Variants in OXCT1 observed in about 807,000 individuals in gnomAD.
OXCT1 encodes 3-oxoacid CoA-transferase 1, also known as succinyl-CoA:3-ketoacid coenzyme A transferase 1, mitochondrial.
OXCT1 carries 27 observed loss-of-function variants against 69.6 expected under a neutral mutation model. The ratio of observed to expected loss-of-function variants is 0.39; its 90% CI spans 0.29 to 0.54. The LOEUF is 0.54. Among genes scored for constraint, OXCT1 ranks in the 20% least tolerant of loss-of-function variants. The pLI is 0.72. For synonymous variants in OXCT1, 202 were observed against 217.8 expected (o/e 0.93, Z 0.64); for missense variants, 437 against 650.2 (o/e 0.67, Z 3.57).
intron 9 of OXCT1, among the ~76,000 whole-genome samples, chr5:41,803,854 T>G (rs1206281555): frequency 6.6e-6 from 1 of 152,098 alleles, no homozygotes; most frequent in Non-Finnish European, 1.5e-5. Context: ...TGATTACTAC[T>G]CAATGGTGTG....
At chr5:41,852,213 T>C (rs1249479002) in intron 4 of OXCT1, among the ~76,000 whole-genome samples, 1 of 152,134 alleles carries the variant, frequency 6.6e-6, no homozygotes, top group Non-Finnish European at 1.5e-5. Context: ...TTTGTTTTTG[T>C]TTTTTCAAAA....
At chr5:41,817,868 G>T (rs1747325338) in intron 7 of OXCT1, among the ~76,000 whole-genome samples, 1 of 152,210 alleles carries the variant, frequency 6.6e-6, no homozygotes, top group South Asian at 2.1e-4. Flanking sequence ...AAGGAAGGCA[G>T]TTACAGAACA....
chr5:41,775,369 C>T (rs1745072727), intron 13 of OXCT1, among the ~76,000 whole-genome samples: 1 of 152,144 alleles, frequency 6.6e-6, no homozygotes, highest in South Asian at 2.1e-4. Context: ...TTCAGGAAGG[C>T]ATTTTACTTG....
intron 15 of OXCT1, among the ~76,000 whole-genome samples, chr5:41,747,214 G>A (rs1743538366): frequency 6.6e-6 from 1 of 151,980 alleles, no homozygotes; most frequent in Non-Finnish European, 1.5e-5. Flanking sequence ...TTCCACCTCA[G>A]CCTTCAGAAT....
At chr5:41,817,345 TAA>T (rs1747299732) in intron 7 of OXCT1, among the ~76,000 whole-genome samples, 1 of 152,194 alleles carries the variant, frequency 6.6e-6, no homozygotes, top group Admixed American at 6.6e-5. Flanking sequence ...ATGAATCACC[TAA>T]AGTCATTTCA....
At chr5:41,845,666 C>T (rs1748861586) in intron 5 of OXCT1, among the ~76,000 whole-genome samples, 1 of 151,900 alleles carries the variant, frequency 6.6e-6, no homozygotes, top group African/African-American at 2.4e-5. Flanking sequence ...CACCTGATTC[C>T]AGGCAGAAAT....
At position 41,731,046 on chromosome 5, in the gene OXCT1, T is replaced by A. The variant is rs1742595504; in HGVS notation, c.*683A>T. On this transcript the variant is annotated 3_prime_UTR_variant, in exon 17 of 17. Coordinates refer to ENST00000196371, the MANE Select transcript of OXCT1 (RefSeq NM_000436.4). ...GAGGATACAAAGGAATACTGGGCTG[T>A]TTTAAAATGAGAAAACTGAGAAGAA... 6.6e-6 allele frequency: 1 copy of A among 152,370 alleles called. No homozygotes were observed. Among genetic ancestry groups the A allele is most frequent in the African/African-American group, 2.4e-5 (1 of 41,436 alleles). The allele number at this position is 152,370 out of a possible 1,614,324, so 9.4% of individuals were successfully genotyped here.
intron 15 of OXCT1, among the ~76,000 whole-genome samples, chr5:41,744,383 C>T (rs547993434): frequency 6.6e-6 from 1 of 152,250 alleles, no homozygotes; most frequent in Admixed American, 6.5e-5. Context: ...ATAGGGTTTT[C>T]TAGATATACA....
At chr5:41,858,056 C>T (rs569304172) in intron 3 of OXCT1, among the ~76,000 whole-genome samples, 24 of 152,290 alleles carry the variant, frequency 1.6e-4, no homozygotes, top group Non-Finnish European at 2.1e-4. Context: ...TTGGAGATCA[C>T]ATCTCTTTAT....
chr5:41,785,436 T>C (rs1034022662), intron 13 of OXCT1, among the ~76,000 whole-genome samples: 2 of 152,220 alleles, frequency 1.3e-5, no homozygotes, highest in African/African-American at 4.8e-5. Flanking sequence ...GGAAAAATAT[T>C]GAAGAGTTTT....
chr5:41,798,591 G>A (rs1746286162), intron 11 of OXCT1, among the ~76,000 whole-genome samples: 1 of 152,172 alleles, frequency 6.6e-6, no homozygotes, highest in Admixed American at 6.5e-5. Context: ...GACATGGCAG[G>A]GGGCCAGGGA....
intron 1 of OXCT1, among the ~76,000 whole-genome samples, chr5:41,868,639 C>T (rs1055564582): frequency 6.6e-6 from 1 of 151,160 alleles, no homozygotes; most frequent in African/African-American, 2.4e-5. Flanking sequence ...AGGAGAATGG[C>T]GTGAACCCGG....
At chr5:41,747,807 T>A (rs1004866769) in intron 15 of OXCT1, among the ~76,000 whole-genome samples, 1 of 152,042 alleles carries the variant, frequency 6.6e-6, no homozygotes. Flanking sequence ...ACAAGATATG[T>A]TAAAAGCTTG....
At chr5:41,818,626 C>A (rs1747372433) in intron 7 of OXCT1, among the ~76,000 whole-genome samples, 1 of 152,082 alleles carries the variant, frequency 6.6e-6, no homozygotes. Flanking sequence ...TGGCAATTAC[C>A]TTTTCTCGCT....
At chr5:41,767,446 G>A (rs1744660788) in intron 13 of OXCT1, among the ~76,000 whole-genome samples, 1 of 151,758 alleles carries the variant, frequency 6.6e-6, no homozygotes, top group African/African-American at 2.4e-5. Flanking sequence ...GCAGTATTCT[G>A]ATAAACTCAA....
At chr5:41,738,033 C>G (rs939141128) in intron 16 of OXCT1, among the ~76,000 whole-genome samples, 2 of 151,698 alleles carry the variant, frequency 1.3e-5, no homozygotes, top group Admixed American at 6.6e-5. Context: ...CCAGCCTGGG[C>G]AACAGAACAA....
At chr5:41,787,269 T>A (rs1384203038) in intron 13 of OXCT1, among the ~76,000 whole-genome samples, 3 of 152,000 alleles carry the variant, frequency 2.0e-5, no homozygotes, top group Non-Finnish European at 4.4e-5. Flanking sequence ...TATTAAACAG[T>A]TAGAAAAATC....
chr5:41,837,388 C>T (rs1748418661), intron 7 of OXCT1, among the ~76,000 whole-genome samples: 1 of 151,390 alleles, frequency 6.6e-6, no homozygotes, highest in South Asian at 2.1e-4. Context: ...TACTATAGTA[C>T]TAGAACAGAC....
intron 11 of OXCT1, among the ~76,000 whole-genome samples, chr5:41,795,190 G>C (rs1261029937): frequency 6.6e-6 from 1 of 152,140 alleles, no homozygotes; most frequent in Non-Finnish European, 1.5e-5. Context: ...AATGGGTTCA[G>C]TCGGGCTTCT....
Sources: gnomAD v4.1 joint callset for allele counts (sites outside exome capture counted in the v4.1 genomes callset) on GRCh38, gnomAD v4.1.1 for gene constraint, MANE v1.5 for transcripts, NCBI Gene and HGNC (gene_info 2026-07-23, HGNC 2026-07-21) for gene names.